Variants in TRPC6 observed in about 807,000 individuals in gnomAD.
The protein encoded by TRPC6 is short transient receptor potential channel 6.
TRPC6 carries 55 observed loss-of-function variants against 90.7 expected under a neutral mutation model. That is an observed-to-expected ratio of 0.61 (90% CI 0.49 to 0.76). The LOEUF (loss-of-function observed/expected upper bound fraction) is 0.76. TRPC6 is among the 30% of genes least tolerant of loss of function. TRPC6 has a pLI of 0.00. For missense variants in TRPC6, 989 were observed against 1,122.7 expected (o/e 0.88, Z 1.70); for synonymous variants, 393 against 393.0 (o/e 1.00, Z 0.00).
In TRPC6 at chr11:101,509,647, T is replaced by C. The variant is rs1343076342; in HGVS notation, c.171-4849A>G. Among the ~76,000 whole-genome samples the C allele has an allele frequency of 2.6e-5, 4 of 152,164 alleles. No homozygotes were observed. The East Asian group carries it at 5.8e-4, about 22-fold the overall frequency. The stretch of plus-strand genomic sequence containing the variant: ...CCACTAATCATAATGATGTATCTTA[T>C]TTCCTTCTAAATTACTGTGGCTTTT... On this transcript the variant is annotated intron_variant, in intron 1 of 12. Coordinates refer to ENST00000344327, the MANE Select transcript of TRPC6 (RefSeq NM_004621.6).
At chr11:101,556,389 A>G (rs1220803694) in intron 1 of TRPC6, among the ~76,000 whole-genome samples, 2 of 152,252 alleles carry the variant, frequency 1.3e-5, no homozygotes, top group East Asian at 1.9e-4. Flanking sequence ...TAAAACTGAT[A>G]CCACAGAAAT....
intron 1 of TRPC6, among the ~76,000 whole-genome samples, chr11:101,551,404 A>G (rs944596493): frequency 6.6e-6 from 1 of 152,102 alleles, no homozygotes; most frequent in Non-Finnish European, 1.5e-5. Context: ...AGAAGGCCAA[A>G]AAATACATCA....
chr11:101,460,507 G>T (rs1858980948), intron 10 of TRPC6, among the ~76,000 whole-genome samples: 1 of 152,034 alleles, frequency 6.6e-6, no homozygotes. Flanking sequence ...CCTGTAGTTG[G>T]TTGAATCTGT....
At chr11:101,513,592 G>C (rs1591101854) in intron 1 of TRPC6, among the ~76,000 whole-genome samples, 2 of 152,202 alleles carry the variant, frequency 1.3e-5, no homozygotes, top group African/African-American at 4.8e-5. Flanking sequence ...CAAAAAAATG[G>C]TAAGTGTATT....
chr11:101,536,285 G>A (rs950209246), intron 1 of TRPC6, among the ~76,000 whole-genome samples: 1 of 152,162 alleles, frequency 6.6e-6, no homozygotes, highest in African/African-American at 2.4e-5. Flanking sequence ...TACTTGGGAG[G>A]CTGAGGCACC....
chr11:101,454,369 T>A (rs913705655), intron 11 of TRPC6, among the ~76,000 whole-genome samples: 2 of 152,114 alleles, frequency 1.3e-5, no homozygotes, highest in Non-Finnish European at 2.9e-5. Flanking sequence ...TTCAAGAATC[T>A]ATTCTAAAGA....
intron 10 of TRPC6, among the ~76,000 whole-genome samples, chr11:101,464,978 G>A (rs562956249): frequency 6.6e-6 from 1 of 152,256 alleles, no homozygotes; most frequent in East Asian, 1.9e-4. Context: ...CTCTTGTAAG[G>A]CAGGCCTGGT....
At position 101,583,646 on chromosome 11, in the gene TRPC6, G is replaced by A. The variant is rs886047539; in HGVS notation, c.-143C>T. On this transcript the variant is annotated 5_prime_UTR_variant, in exon 1 of 13. Transcript: ENST00000344327. Reference sequence around the variant, plus strand: ...TGCCCAGGGGACGACGGTGAAGCAGGGGGTGCAGACGCCCGCCGCAAGTGG... The same window carrying A: ...TGCCCAGGGGACGACGGTGAAGCAGAGGGTGCAGACGCCCGCCGCAAGTGG... The A allele has an allele frequency of 1.5e-4, 135 of 920,314 alleles. No individual in the cohort carries two copies. The highest frequency in any genetic ancestry group is 1.9e-4 in the Non-Finnish European group (128 of 667,120). 57.0% of individuals were successfully genotyped at this position (920,314 alleles called of 1,614,324 possible).
intron 1 of TRPC6, among the ~76,000 whole-genome samples, chr11:101,560,998 C>A (rs1195452898): frequency 1.3e-5 from 2 of 152,084 alleles, no homozygotes. Flanking sequence ...AGTTTAATAC[C>A]ATGTCTTATT....
At chr11:101,564,064 C>T (rs1250915843) in intron 1 of TRPC6, among the ~76,000 whole-genome samples, 2 of 147,234 alleles carry the variant, frequency 1.4e-5, no homozygotes, top group East Asian at 2.0e-4. Context: ...GACATCAGTT[C>T]GTAAAGAAAA....
chr11:101,491,217 C>G (rs570126948), intron 3 of TRPC6, among the ~76,000 whole-genome samples: 2 of 151,968 alleles, frequency 1.3e-5, no homozygotes, highest in African/African-American at 4.8e-5. Context: ...GAGGCCGAGG[C>G]GGGCGGATCA....
At chr11:101,484,403 C>A (rs191295516) in intron 4 of TRPC6, among the ~76,000 whole-genome samples, 1 of 152,070 alleles carries the variant, frequency 6.6e-6, no homozygotes, top group Admixed American at 6.6e-5. Context: ...TTTTAAGACT[C>A]GGAAAAGATA....
chr11:101,488,940 G>A lies in TRPC6; in HGVS notation c.1290C>T (p.Ser430=). 6.2e-7 allele frequency: 1 copy of A among 1,614,052 alleles called. No individual in the cohort carries two copies. Among genetic ancestry groups the A allele is most frequent in the Non-Finnish European group, 8.5e-7 (1 of 1,179,986 alleles). The part of the protein sequence containing the change: ...LALIYWFAPC[S]KMGKIMRGPF... ...GGTCCAGGCTTCACATACATACCTT[G>A]CTGCATGGAGCAAACCAGTAAATGA... Residue 430 remains serine, a synonymous_variant, in exon 4 of 13, where the codon AGC becomes AGT. Transcript: ENST00000344327.
Position 101,452,865 on chromosome 11 carries a change from G to A in TRPC6, c.*90C>T. The A allele has an allele frequency of 6.9e-7, 1 of 1,454,660 alleles. No homozygotes were observed. Among genetic ancestry groups the A allele is most frequent in the East Asian group, 2.3e-5 (1 of 44,004 alleles). The allele number at this position is 1,454,660 out of a possible 1,614,324, so 90.1% of individuals were successfully genotyped here. Reference sequence around the variant, plus strand: ...TATTTAACGTTTTCTTGTTTAAAAGGTGGGCCCATTGGCACTTAAGAAAAT... The same window carrying A: ...TATTTAACGTTTTCTTGTTTAAAAGATGGGCCCATTGGCACTTAAGAAAAT... On this transcript the variant is annotated 3_prime_UTR_variant, in exon 13 of 13. Transcript: ENST00000344327.
intron 2 of TRPC6, among the ~76,000 whole-genome samples, chr11:101,501,867 CTTGT>C (rs1407250235): frequency 2.6e-5 from 4 of 152,242 alleles, no homozygotes; most frequent in East Asian, 3.9e-4. Context: ...AACTGCTACT[CTTGT>C]TTAACAGTAA....
intron 1 of TRPC6, among the ~76,000 whole-genome samples, chr11:101,566,239 G>A (rs180729745): frequency 9.7e-4 from 147 of 152,310 alleles, no homozygotes; most frequent in Non-Finnish European, 1.8e-3. Flanking sequence ...TCAATAATGT[G>A]TAACTTTTAG....
At chr11:101,545,981 G>A (rs1394509532) in intron 1 of TRPC6, among the ~76,000 whole-genome samples, 3 of 146,144 alleles carry the variant, frequency 2.1e-5, no homozygotes, top group Admixed American at 1.4e-4. Context: ...TAAAGAAGAA[G>A]AGAGAGTGAA....
At position 101,476,311 on chromosome 11, in the gene TRPC6, G is replaced by A. The variant is rs1859416448; in HGVS notation, c.1734C>T (p.Tyr578=). 9 of 1,613,814 alleles carry A rather than the reference G, an allele frequency of 5.6e-6. No homozygotes were observed. The highest frequency in any genetic ancestry group is 6.8e-6 in the Non-Finnish European group (8 of 1,179,790). ...GTACTGTAAACTCACCCAAATTGTA[G>A]TATTTCACATTGTCTCCCAATGTTA... The part of the protein sequence containing the change: ...TKVTLGDNVK[Y]YNLARIKWDP... The change falls in exon 6 of 13, where the codon TAC becomes TAT. Residue 578 remains tyrosine (Y), a synonymous_variant. Transcript: ENST00000344327.
intron 1 of TRPC6, among the ~76,000 whole-genome samples, chr11:101,539,392 T>C (rs1449279138): frequency 6.6e-6 from 1 of 152,228 alleles, no homozygotes; most frequent in Non-Finnish European, 1.5e-5. Flanking sequence ...AGTAAATATC[T>C]ATTGCTGTGC....
Sources: gnomAD v4.1 joint callset for allele counts (sites outside exome capture counted in the v4.1 genomes callset) on GRCh38, gnomAD v4.1.1 for gene constraint, MANE v1.5 for transcripts, NCBI Gene and HGNC (gene_info 2026-07-23, HGNC 2026-07-21) for gene names.